The following MALRD1 variants were observed in gnomAD, a reference collection of about 807,000 sequenced individuals.
The protein encoded by MALRD1 is MAM and LDL-receptor class A domain-containing protein 1.
In MALRD1, 247 loss-of-function variants were observed where a neutral mutation model predicts 242.1. The observed-to-expected ratio is 1.02, with a 90% CI of 0.92 to 1.13. The LOEUF (loss-of-function observed/expected upper bound fraction) is 1.13, where lower values mean the gene tolerates loss of function less well. Among genes scored for constraint, MALRD1 ranks in the 50% most tolerant of loss-of-function variants. The pLI, the probability that MALRD1 is intolerant of heterozygous loss-of-function variation, is 0.00. For missense variants in MALRD1, 2,989 were observed against 2,533.1 expected, an observed-to-expected ratio of 1.18 and a Z score of -3.86; for synonymous variants, 995 against 866.6, an observed-to-expected ratio of 1.15 and a Z score of -2.60.
intron 33 of MALRD1, among the ~76,000 whole-genome samples, chr10:19,568,448 T>C (rs1281599650): frequency 6.6e-6 from 1 of 152,122 alleles, no homozygotes; most frequent in Non-Finnish European, 1.5e-5. Flanking sequence ...TCATAGTTTT[T>C]CTCTGGATTC....
In MALRD1 at chr10:19,103,566, T is replaced by TAA. The variant is rs1349573768; in HGVS notation, c.598-411_598-410dup. On this transcript the variant is annotated intron_variant, in intron 4 of 39. Coordinates refer to ENST00000454679, the MANE Select transcript of MALRD1 (RefSeq NM_001142308.3). ...GACTCCGTCTCAAAAAAAAAAAAAA[T>TAA]AAATAAAGATTTAGAGAACCAAAGG... Among the ~76,000 whole-genome samples, 504 of 139,442 alleles carry TAA rather than the reference T, an allele frequency of 3.6e-3. 9 individuals carry two copies. Among genetic ancestry groups the TAA allele is most frequent in the African/African-American group, 0.01 (387 of 37,046 alleles). The allele number at this position is 139,442 out of a possible 152,430, so 91.5% of individuals were successfully genotyped here. A position where few individuals can be genotyped will look rare whatever the true frequency, so the allele number is the denominator to read the frequency against.
intron 14 of MALRD1, among the ~76,000 whole-genome samples, chr10:19,176,244 G>A (rs930554663): frequency 5.3e-5 from 8 of 151,868 alleles, no homozygotes; most frequent in Non-Finnish European, 2.9e-5. Flanking sequence ...TACAGGAGCT[G>A]AATGGACTAA....
At chr10:19,294,229 A>C (rs144366839) in intron 21 of MALRD1, among the ~76,000 whole-genome samples, 1 of 152,310 alleles carries the variant, frequency 6.6e-6, no homozygotes, top group African/African-American at 2.4e-5. Flanking sequence ...AAATAATTGT[A>C]CTTACATTCT....
intron 18 of MALRD1, among the ~76,000 whole-genome samples, chr10:19,227,170 C>T (rs1168492906): frequency 6.7e-6 from 1 of 150,222 alleles, no homozygotes; most frequent in Admixed American, 6.7e-5. Context: ...TTTTTTAATG[C>T]GGAAGTCCAA....
intron 36 of MALRD1, among the ~76,000 whole-genome samples, chr10:19,627,811 G>GGC (rs1213399603): frequency 6.8e-6 from 1 of 147,262 alleles, no homozygotes; most frequent in Non-Finnish European, 1.5e-5. Context: ...TAATAGGCCA[G>GGC]GCCAGGAGGA....
intron 26 of MALRD1, among the ~76,000 whole-genome samples, chr10:19,370,174 C>T (rs1247111098): frequency 6.6e-6 from 1 of 152,118 alleles, no homozygotes. Flanking sequence ...ACCTGTAGAT[C>T]TACAACTGGT....
chr10:19,303,111 C>T (rs1170967229), intron 21 of MALRD1, among the ~76,000 whole-genome samples: 2 of 151,552 alleles, frequency 1.3e-5, no homozygotes, highest in Non-Finnish European at 3.0e-5. Flanking sequence ...TATACATACA[C>T]ACCCCAAAAC....
intron 12 of MALRD1, among the ~76,000 whole-genome samples, chr10:19,159,790 CACCCCCT>C (rs965529946): frequency 6.6e-5 from 10 of 152,098 alleles, no homozygotes; most frequent in East Asian, 5.8e-4. Context: ...CTAAGACTGT[CACCCCCT>C]CTCCAGCTTA....
intron 5 of MALRD1, among the ~76,000 whole-genome samples, chr10:19,115,456 CAT>C (rs1423520261): frequency 6.6e-6 from 1 of 151,690 alleles, no homozygotes; most frequent in African/African-American, 2.4e-5. Flanking sequence ...AAAAACAACT[CAT>C]AGAGCTGAAT....
At chr10:19,499,848 C>T (rs983545639) in intron 31 of MALRD1, among the ~76,000 whole-genome samples, 20 of 152,282 alleles carry the variant, frequency 1.3e-4, no homozygotes, top group African/African-American at 4.8e-4. Flanking sequence ...TATTCAATTA[C>T]AGTATGGACA....
intron 1 of MALRD1, among the ~76,000 whole-genome samples, chr10:19,056,186 G>A (rs1834661033): frequency 6.6e-6 from 1 of 151,920 alleles, no homozygotes; most frequent in Non-Finnish European, 1.5e-5. Flanking sequence ...AATCTTTTGT[G>A]ATTTCATATG....
rs1477374685 is a variant in MALRD1, at chr10:19,633,838, TTC to T, written c.6137+17917_6137+17918del. On this transcript the variant is annotated intron_variant, in intron 36 of 39. Coordinates refer to ENST00000454679, the MANE Select transcript of MALRD1 (RefSeq NM_001142308.3). Reference sequence around the variant, plus strand: ...CACAGTTTCTTTCTTTTTCTTTTCTTTCTTTTTTTTTTTTTTTTTTGACAGAG... The same window carrying T: ...CACAGTTTCTTTCTTTTTCTTTTCTTTTTTTTTTTTTTTTTTTTGACAGAG... The T allele has an allele frequency of 1.7e-3, 245 of 146,164 alleles. 4 individuals carry two copies. Among genetic ancestry groups the T allele is most frequent in the African/African-American group, 5.9e-3 (221 of 37,230 alleles). The allele number at this position is 146,164 out of a possible 1,614,324, so 9.1% of individuals were successfully genotyped here. A position where few individuals can be genotyped will look rare whatever the true frequency, so the allele number is the denominator to read the frequency against.
intron 18 of MALRD1, among the ~76,000 whole-genome samples, chr10:19,239,588 G>C (rs1838666485): frequency 6.6e-6 from 1 of 152,074 alleles, no homozygotes. Context: ...AAGTTATAGA[G>C]AATTTCCCAC....
chr10:19,115,189 GCTT>G (rs1287791736), intron 5 of MALRD1, among the ~76,000 whole-genome samples: 2 of 152,086 alleles, frequency 1.3e-5, no homozygotes, highest in African/African-American at 4.8e-5. Context: ...TGCCTCCCCT[GCTT>G]CTTCTCCTAG....
chr10:19,425,934 T>G (rs922986569), intron 28 of MALRD1, among the ~76,000 whole-genome samples: 1 of 152,184 alleles, frequency 6.6e-6, no homozygotes, highest in African/African-American at 2.4e-5. Flanking sequence ...CATGACAAAT[T>G]AAAGCATACA....
intron 34 of MALRD1, among the ~76,000 whole-genome samples, chr10:19,600,949 G>A (rs1838311042): frequency 6.6e-6 from 1 of 152,048 alleles, no homozygotes; most frequent in African/African-American, 2.4e-5. Context: ...CAGTGGCACA[G>A]TTGTAAATCA....
intron 18 of MALRD1, among the ~76,000 whole-genome samples, chr10:19,227,106 C>T (rs531384865): frequency 1.5e-4 from 23 of 151,404 alleles, no homozygotes; most frequent in African/African-American, 5.6e-4. Context: ...TGGCACAATC[C>T]CAATCAAACC....
chr10:19,500,077 T>G (rs1355038807), intron 31 of MALRD1, among the ~76,000 whole-genome samples: 1 of 152,216 alleles, frequency 6.6e-6, no homozygotes, highest in Non-Finnish European at 1.5e-5. Flanking sequence ...GTTTACTTTT[T>G]TCACTGTGGC....
chr10:19,083,750 A>G lies in MALRD1; in HGVS notation c.341-4090A>G, dbSNP rs186183238. The stretch of plus-strand genomic sequence containing the variant: ...GCAAGCTGCTATTTTTCAAAGTTAA[A>G]TGTGAAACTGGAGAGTGGGCAATGA... On this transcript the variant is annotated intron_variant, in intron 2 of 39. Coordinates refer to ENST00000454679, the MANE Select transcript of MALRD1 (RefSeq NM_001142308.3). Among the ~76,000 whole-genome samples the G allele has an allele frequency of 2.3e-3, 354 of 152,084 alleles. 1 individual carries two copies. Among genetic ancestry groups the G allele is most frequent in the Non-Finnish European group, 3.8e-3 (260 of 67,920 alleles).
Sources: allele counts gnomAD v4.1 joint callset (sites outside exome capture counted in the v4.1 genomes callset), GRCh38; gene constraint gnomAD v4.1.1; transcripts MANE v1.5; gene names NCBI Gene and HGNC (gene_info 2026-07-23, HGNC 2026-07-21).